The following TTC23L variants were observed in gnomAD, a reference collection of about 807,000 sequenced individuals.
The protein encoded by TTC23L is tetratricopeptide repeat domain 23 like, also known as tetratricopeptide repeat protein 23-like.
A neutral mutation model predicts 48.1 loss-of-function variants in TTC23L; 42 were observed. The ratio of observed to expected loss-of-function variants is 0.87; its 90% confidence interval spans 0.68 to 1.13. The LOEUF (loss-of-function observed/expected upper bound fraction) is 1.13, where lower values mean the gene tolerates loss of function less well. Among genes scored for constraint, TTC23L ranks in the 50% most tolerant of loss-of-function variants. The pLI is 0.00. For synonymous variants in TTC23L, 159 were observed against 157.2 expected, an observed-to-expected ratio of 1.01 and a Z score of -0.09; for missense variants, 391 against 421.0, an observed-to-expected ratio of 0.93 and a Z score of 0.62.
At position 34,851,944 on chromosome 5, in the gene TTC23L, G is replaced by T. The variant is rs542836604; in HGVS notation, c.379+1636G>T. Among the ~76,000 whole-genome samples the T allele has an allele frequency of 2.6e-5, 4 of 152,316 alleles. No individual in the cohort carries two copies. The East Asian group carries it at 7.7e-4, about 29-fold the overall frequency. On this transcript the variant is annotated intron_variant, in intron 4 of 10. Transcript: ENST00000505624. ...AACAAAATTCTGGGGAGGCAGTTCA[G>T]TGGTATTGCCATTGAGGAAAGTCAG...
intron 7 of TTC23L, chr5:34,867,853 T>C (rs1244057380): frequency 6.6e-6 from 1 of 152,206 alleles, no homozygotes; most frequent in African/African-American, 2.4e-5. Context: ...AGTGGAGAGA[T>C]GTCAGAGAAT....
At chr5:34,923,054 A>G in the TTC23L span, 3 of 1,556,606 alleles carry the variant, frequency 1.9e-6, no homozygotes, top group African/African-American at 1.4e-5. Flanking sequence ...TAATTCAGGT[A>G]AATATCTTTA....
intron 9 of TTC23L, among the ~76,000 whole-genome samples, chr5:34,891,017 G>C (rs1489180080): frequency 6.6e-6 from 1 of 152,154 alleles, no homozygotes; most frequent in Non-Finnish European, 1.5e-5. Flanking sequence ...TCCTCAAAAA[G>C]TACGTTTTCT....
At position 34,890,840 on chromosome 5, in the gene TTC23L, G is replaced by A. The variant is rs114472462; in HGVS notation, c.1078-5930G>A. On this transcript the variant is annotated intron_variant, in intron 9 of 10. Transcript: ENST00000505624. ...CGGGCTGGTCCAAACTTCTGTGGCC[G>A]GTCTTCTTGCTTCTGCCTCCCAAGT... 5.2e-3 allele frequency among the ~76,000 whole-genome samples: 786 copies of A among 152,098 alleles called. 7 individuals are homozygous for A. Among genetic ancestry groups the A allele is most frequent in the African/African-American group, 0.018 (749 of 41,486 alleles).
intron 8 of TTC23L, among the ~76,000 whole-genome samples, chr5:34,877,422 C>CTTTCTTT (rs1294136216): frequency 1.3e-4 from 10 of 79,742 alleles, no homozygotes; most frequent in African/African-American, 4.9e-4. Flanking sequence ...TTCTTTCTTT[C>CTTTCTTT]TTTCTTTTTT....
chr5:34,922,459 C>T, the TTC23L span: 1 of 959,422 alleles, frequency 1.0e-6, no homozygotes, highest in Admixed American at 2.2e-5. Flanking sequence ...ATATTATAAG[C>T]ATATTATTTA....
chr5:34,894,387 C>G (rs1763072347), intron 9 of TTC23L, among the ~76,000 whole-genome samples: 1 of 151,914 alleles, frequency 6.6e-6, no homozygotes, highest in Admixed American at 6.6e-5. Flanking sequence ...AAGAATATTC[C>G]CATATATACT....
intron 3 of TTC23L, among the ~76,000 whole-genome samples, chr5:34,849,004 A>G (rs555407121): frequency 1.8e-4 from 27 of 152,366 alleles, no homozygotes; most frequent in Admixed American, 1.6e-3. Flanking sequence ...CTATTTGATC[A>G]CAATTAGAGG....
In TTC23L at chr5:34,840,655, T is replaced by A; in HGVS notation, c.-7-10T>A. 6.2e-7 allele frequency: 1 copy of A among 1,613,552 alleles called. No homozygotes were observed. Among genetic ancestry groups the A allele is most frequent in the Non-Finnish European group, 8.5e-7 (1 of 1,179,500 alleles). ...TTCTCTCAAAGCTGACCTTACCTGA[T>A]TCTTGGTAGGAAGAAGATGCAAGCC... is the stretch of plus-strand genomic sequence containing the variant. On this transcript the variant is annotated splice_polypyrimidine_tract_variant and intron_variant, in intron 1 of 10. Coordinates refer to ENST00000505624, the Ensembl canonical transcript of TTC23L.
chr5:34,877,667 A>G (rs1761952421), intron 8 of TTC23L, among the ~76,000 whole-genome samples: 1 of 151,938 alleles, frequency 6.6e-6, no homozygotes, highest in Non-Finnish European at 1.5e-5. Flanking sequence ...CAGGTGATCC[A>G]CCCACCTCGG....
exon 5 of TTC23L, chr5:34,862,933 G>C (rs754675463): frequency 1.2e-6 from 2 of 1,613,958 alleles, no homozygotes; most frequent in Non-Finnish European, 1.7e-6. Context: ...TGCTACATCA[G>C]CCAAGAATAC....
the TTC23L span, among the ~76,000 whole-genome samples, chr5:34,911,172 ATCT>A: frequency 3.9e-5 from 6 of 152,364 alleles, no homozygotes; most frequent in East Asian, 3.9e-4. Flanking sequence ...TGTAGAAAAC[ATCT>A]TCTTCTGCAT....
At chr5:34,880,380 A>T in intron 9 of TTC23L, 72 bp downstream of exon 9, 1 of 1,459,386 alleles carries the variant, frequency 6.9e-7, no homozygotes, top group Non-Finnish European at 9.2e-7. Context: ...TTCATCTTAC[A>T]ATTCAGATAC....
chr5:34,916,946 C>T, the TTC23L span, among the ~76,000 whole-genome samples: 1 of 152,158 alleles, frequency 6.6e-6, no homozygotes, highest in African/African-American at 2.4e-5. Flanking sequence ...AGTGTTCTCA[C>T]TCTTCCCTTG....
chr5:34,910,585 G>A, the TTC23L span, among the ~76,000 whole-genome samples: 6 of 151,952 alleles, frequency 3.9e-5, no homozygotes, highest in African/African-American at 7.2e-5. Context: ...GTGCCACCAC[G>A]CCCAACTAAT....
intron 8 of TTC23L, among the ~76,000 whole-genome samples, chr5:34,877,296 TACAGGGGGATTTCCTCAGCCTGATAAGTC>T (rs1275151350): frequency 9.3e-5 from 14 of 150,194 alleles, no homozygotes; most frequent in Non-Finnish European, 1.5e-5. Flanking sequence ...AAACTAGGAA[TACAGGGGGATTTCCTCAGCCTGATAAGTC>T]ACATCTACAA....
At chr5:34,907,806 G>A in the TTC23L span, 1 of 152,156 alleles carries the variant, frequency 6.6e-6, no homozygotes, top group Non-Finnish European at 1.5e-5. Context: ...CTTGTTTGGT[G>A]ATGCCTCAAC....
intron 8 of TTC23L, among the ~76,000 whole-genome samples, chr5:34,875,593 C>A (rs1427759694): frequency 6.6e-6 from 1 of 152,072 alleles, no homozygotes; most frequent in African/African-American, 2.4e-5. Flanking sequence ...TCTGCCTCTC[C>A]CAGCCCACTG....
the TTC23L span, among the ~76,000 whole-genome samples, chr5:34,912,891 C>T: frequency 6.6e-6 from 1 of 152,214 alleles, no homozygotes; most frequent in East Asian, 1.9e-4. Flanking sequence ...ATCCCAGCTA[C>T]TCGGGAGGCT....
Sources: allele counts gnomAD v4.1 joint callset (sites outside exome capture counted in the v4.1 genomes callset), GRCh38; gene constraint gnomAD v4.1.1; transcripts MANE v1.5; gene names NCBI Gene and HGNC (gene_info 2026-07-23, HGNC 2026-07-21).